The following GPHN variants were observed in gnomAD, a reference collection of about 807,000 sequenced individuals.
GPHN encodes the protein gephyrin.
Under a neutral mutation model 95.5 loss-of-function variants are expected in GPHN, and 17 were observed. That is an observed-to-expected ratio of 0.18 (90% CI 0.12 to 0.27). The LOEUF is 0.27. GPHN is among the 10% of genes least tolerant of loss of function. The probability of loss-of-function intolerance (pLI) is 1.00; values close to 1 mark genes in which losing one functional copy is unlikely to be tolerated. For synonymous variants in GPHN, 320 were observed against 322.5 expected, an observed-to-expected ratio of 0.99 and a Z score of 0.08; for missense variants, 660 against 978.1, an observed-to-expected ratio of 0.67 and a Z score of 4.34.
At chr14:67,709,264 C>CA in the GPHN span, among the ~76,000 whole-genome samples, 1 of 152,102 alleles carries the variant, frequency 6.6e-6, no homozygotes, top group African/African-American at 2.4e-5. Context: ...AGGATTTCCC[C>CA]AAAAAAGGTG....
intron 17 of GPHN, among the ~76,000 whole-genome samples, chr14:67,136,217 TTC>T (rs1350995450): frequency 2.6e-5 from 4 of 152,284 alleles, no homozygotes; most frequent in Admixed American, 1.3e-4. Context: ...ACCCTAAGGG[TTC>T]TGGAAGCTGC....
the GPHN span, among the ~76,000 whole-genome samples, chr14:67,668,944 AG>A: frequency 6.6e-6 from 1 of 152,194 alleles, no homozygotes; most frequent in Admixed American, 6.5e-5. Flanking sequence ...TCAGAAAATA[AG>A]TACTCTGGAA....
chr14:66,797,792 C>T (rs1046152665), intron 3 of GPHN, among the ~76,000 whole-genome samples: 6 of 151,764 alleles, frequency 4.0e-5, no homozygotes, highest in African/African-American at 1.2e-4. Context: ...TACTTCTTCC[C>T]TTTCAGTTTG....
chr14:66,710,071 A>T (rs1471625565), intron 2 of GPHN, among the ~76,000 whole-genome samples: 1 of 152,214 alleles, frequency 6.6e-6, no homozygotes, highest in Non-Finnish European at 1.5e-5. Context: ...ACTTATAAAG[A>T]TGATTAACAG....
chr14:67,295,975 C>A, the GPHN span, among the ~76,000 whole-genome samples: 1 of 152,008 alleles, frequency 6.6e-6, no homozygotes, highest in Non-Finnish European at 1.5e-5. Context: ...GTGAAAGTTG[C>A]ATTAGGCTTT....
At chr14:66,900,655 G>GA (rs1347296291) in intron 5 of GPHN, among the ~76,000 whole-genome samples, 2 of 151,616 alleles carry the variant, frequency 1.3e-5, no homozygotes, top group Non-Finnish European at 2.9e-5. Flanking sequence ...TTCCTTCTGT[G>GA]CTTGCCTTGT....
chr14:67,150,434 C>A (rs2081191510), intron 18 of GPHN, among the ~76,000 whole-genome samples: 1 of 110,640 alleles, frequency 9.0e-6, no homozygotes, highest in African/African-American at 4.0e-5. Context: ...GAGCGAGACT[C>A]CGTCTCAAAA....
chr14:67,198,235 A>G, the GPHN span: 1 of 1,613,964 alleles, frequency 6.2e-7, no homozygotes, highest in African/African-American at 1.3e-5. Flanking sequence ...CACTCCCATG[A>G]TCCGAGAGAT....
the GPHN span, among the ~76,000 whole-genome samples, chr14:67,240,380 T>C: frequency 1.3e-5 from 2 of 151,972 alleles, no homozygotes; most frequent in African/African-American, 2.4e-5. Context: ...AAAAACACCG[T>C]GGGACAAAAT....
chr14:67,724,340 T>C, the GPHN span: 2 of 750,156 alleles, frequency 2.7e-6, no homozygotes, highest in Non-Finnish European at 4.8e-6. Context: ...GGTTAGCTTT[T>C]ATGAGTCTCC....
chr14:67,627,054 G>A, the GPHN span, among the ~76,000 whole-genome samples: 1 of 152,126 alleles, frequency 6.6e-6, no homozygotes, highest in African/African-American at 2.4e-5. Context: ...GTGGTTCCCA[G>A]GAGCTGGGAA....
the GPHN span, chr14:67,573,687 G>A: frequency 1.3e-6 from 1 of 766,094 alleles, no homozygotes; most frequent in African/African-American, 1.7e-5. This position sits in a 1 kb window ranked among gnomAD's most constrained non-coding sequence, Gnocchi z 4.8. Context: ...CAGCCAGAAT[G>A]CTGGGAATCA....
the GPHN span, chr14:67,616,261 G>A: frequency 1 from 180,476 of 180,570 alleles, 90,191 homozygotes; most frequent in Middle Eastern, 1. Flanking sequence ...ATGTGTCATT[G>A]GATAGCCCTG....
At chr14:66,932,195 TCTTTTCCCTTA>T (rs2066836206) in intron 8 of GPHN, among the ~76,000 whole-genome samples, 1 of 152,110 alleles carries the variant, frequency 6.6e-6, no homozygotes, top group South Asian at 2.1e-4. Context: ...AGAGTCTTGT[TCTTTTCCCTTA>T]CTTTTCCCCA....
At chr14:67,364,852 G>C in the GPHN span, 1 of 1,614,012 alleles carries the variant, frequency 6.2e-7, no homozygotes, top group Non-Finnish European at 8.5e-7. Context: ...ATCCATTGCT[G>C]AAATGGGGGC....
At chr14:66,737,859 A>G (rs1193443257) in intron 2 of GPHN, among the ~76,000 whole-genome samples, 1 of 152,186 alleles carries the variant, frequency 6.6e-6, no homozygotes, top group Non-Finnish European at 1.5e-5. Flanking sequence ...TTAACTGAAT[A>G]TGTTGGTCTG....
chr14:67,549,725 G>A, the GPHN span, among the ~76,000 whole-genome samples: 1 of 152,222 alleles, frequency 6.6e-6, no homozygotes. Flanking sequence ...CTGCATCCCT[G>A]AAGGAGTCAG....
chr14:66,787,079 C>T (rs956752313), intron 3 of GPHN, among the ~76,000 whole-genome samples: 3 of 152,078 alleles, frequency 2.0e-5, no homozygotes, highest in African/African-American at 7.2e-5. Context: ...ATAAAACTCT[C>T]CCTGTTTGCA....
At chr14:67,678,208 G>T in the GPHN span, 1 of 701,800 alleles carries the variant, frequency 1.4e-6, no homozygotes, top group East Asian at 2.6e-5. Context: ...AAGGCTGGAA[G>T]GTTTTGCTCT....
Sources: allele counts gnomAD v4.1 joint callset (sites outside exome capture counted in the v4.1 genomes callset), GRCh38; gene constraint gnomAD v4.1.1; non-coding constraint Gnocchi (gnomAD v3.1); transcripts MANE v1.5; gene names NCBI Gene and HGNC (gene_info 2026-07-23, HGNC 2026-07-21).